ASTN2: variants seen among roughly 807,000 people sequenced by gnomAD.
ASTN2 encodes the protein astrotactin-2.
Under a neutral mutation model 139.8 loss-of-function variants are expected in ASTN2, and 54 were observed. The observed-to-expected ratio is 0.39, with a 90% CI of 0.31 to 0.48. The LOEUF (loss-of-function observed/expected upper bound fraction) is 0.48. Among genes scored for constraint, ASTN2 ranks in the 20% least tolerant of loss-of-function variants. ASTN2 has a pLI of 0.95. For synonymous variants in ASTN2, 756 were observed against 719.5 expected (o/e 1.05, Z -0.81); for missense variants, 1,565 against 1,725.1 (o/e 0.91, Z 1.64).
intron 13 of ASTN2, among the ~76,000 whole-genome samples, chr9:116,792,685 C>T (rs554913329): frequency 1.3e-5 from 2 of 152,310 alleles, no homozygotes; most frequent in Admixed American, 1.3e-4. Context: ...GAAACATATT[C>T]TCTGCACTTG....
intron 11 of ASTN2, among the ~76,000 whole-genome samples, chr9:116,821,974 G>C (rs751268061): frequency 2.0e-5 from 3 of 151,998 alleles, no homozygotes; most frequent in Non-Finnish European, 4.4e-5. Context: ...ATGAGGTACT[G>C]GGTTTTTATT....
intron 2 of ASTN2, among the ~76,000 whole-genome samples, chr9:117,231,847 T>A (rs772085013): frequency 1.2e-4 from 18 of 152,224 alleles, no homozygotes; most frequent in Non-Finnish European, 1.9e-4. Flanking sequence ...AACATAAGAA[T>A]CTCGTCTATT....
intron 22 of ASTN2, among the ~76,000 whole-genome samples, chr9:116,430,898 T>A (rs545874653): frequency 2.4e-4 from 36 of 152,164 alleles, no homozygotes; most frequent in Non-Finnish European, 4.9e-4. Flanking sequence ...GATCCATAAA[T>A]CAAAAGGTCA....
At chr9:117,200,484 T>A (rs1206164994) in intron 3 of ASTN2, among the ~76,000 whole-genome samples, 1 of 152,182 alleles carries the variant, frequency 6.6e-6, no homozygotes, top group Non-Finnish European at 1.5e-5. Flanking sequence ...TTCAATATGA[T>A]ATTGGCTGTG....
rs908795280 is a variant in ASTN2, at chr9:117,214,450, A to G, written c.923T>C (p.Val308Ala). The G allele has an allele frequency of 4.3e-6, 7 of 1,613,924 alleles. No individual in the cohort carries two copies. Among genetic ancestry groups the G allele is most frequent in the East Asian group, 4.5e-5 (2 of 44,858 alleles). ...DEEPPRRANH[V>A]SREDEFGSQV... The stretch of plus-strand genomic sequence containing the variant: ...GCTGCCAAACTCGTCCTCGCGGGAG[A>G]CATGGTTGGCCCGCCTAGGTGGCTC... Residue 308 changes from valine (V) to alanine (A), a missense_variant, in exon 3 of 23, where the codon GTC (valine) becomes GCC (alanine). Around this residue, in one of 4 missense-constraint regions of ASTN2, gnomAD observed 596 missense variants for 576.8 expected, o/e 1.03. Transcript: ENST00000313400.
intron 1 of ASTN2, among the ~76,000 whole-genome samples, chr9:117,404,529 T>C (rs1449703190): frequency 6.6e-6 from 1 of 152,232 alleles, no homozygotes; most frequent in East Asian, 1.9e-4. Context: ...TTTGGATTTA[T>C]ATAGCATTAT....
chr9:117,044,340 G>GA (rs1838671253), intron 5 of ASTN2, among the ~76,000 whole-genome samples: 1 of 152,196 alleles, frequency 6.6e-6, no homozygotes, highest in South Asian at 2.1e-4. Context: ...GCGAATGCCT[G>GA]AATCACCACA....
intron 10 of ASTN2, among the ~76,000 whole-genome samples, chr9:116,893,535 C>T (rs568195536): frequency 6.6e-6 from 1 of 152,128 alleles, no homozygotes; most frequent in African/African-American, 2.4e-5. Context: ...CTCAGTCCCC[C>T]AGTTGTAAAC....
chr9:116,957,904 C>T (rs1392864979), intron 10 of ASTN2, among the ~76,000 whole-genome samples: 1 of 152,182 alleles, frequency 6.6e-6, no homozygotes, highest in Non-Finnish European at 1.5e-5. Context: ...TGGTCTCGAT[C>T]TCCTGACCTC....
intron 10 of ASTN2, among the ~76,000 whole-genome samples, chr9:116,896,475 G>T (rs1588392325): frequency 6.6e-6 from 1 of 152,120 alleles, no homozygotes; most frequent in Non-Finnish European, 1.5e-5. Context: ...GATTACAGGT[G>T]CCTGGCTAAT....
chr9:116,760,320 A>C (rs937596699), intron 13 of ASTN2, among the ~76,000 whole-genome samples: 1 of 152,210 alleles, frequency 6.6e-6, no homozygotes, highest in African/African-American at 2.4e-5. Context: ...ATGGGGCAGC[A>C]TTTGTGGCAC....
intron 17 of ASTN2, among the ~76,000 whole-genome samples, chr9:116,625,580 A>ACCACAACTTATTCTAT (rs6151137): frequency 0.48 from 73,340 of 151,670 alleles, 18,060 homozygotes; most frequent in East Asian, 0.72. Context: ...TTTCTAAAAC[A>ACCACAACTTATTCTAT]CCTCTTGCTT....
At chr9:117,225,490 G>T (rs1832674926) in intron 2 of ASTN2, among the ~76,000 whole-genome samples, 1 of 141,754 alleles carries the variant, frequency 7.1e-6, no homozygotes, top group South Asian at 2.3e-4. Context: ...CGAGGCGGGT[G>T]GGTCATGAGG....
intron 19 of ASTN2, among the ~76,000 whole-genome samples, chr9:116,536,929 A>G (rs907732372): frequency 7.9e-5 from 12 of 152,272 alleles, no homozygotes; most frequent in South Asian, 2.1e-4. Flanking sequence ...GCTGCCTTTT[A>G]TTAGGCTATG....
Position 116,668,073 on chromosome 9 carries a change from C to T in ASTN2, c.2807-16280G>A, listed in dbSNP as rs142001211. ...AATACGGTGTGCTCCACCTATTCAT[C>T]CATATCCCCTGCTCCCAACTCCTGG... On this transcript the variant is annotated intron_variant, in intron 16 of 22. Transcript: ENST00000313400. 6.0e-4 allele frequency among the ~76,000 whole-genome samples: 92 copies of T among 152,242 alleles called. No homozygotes were observed. The East Asian group carries it at 8.3e-3, about 14-fold the overall frequency.
chr9:116,930,782 A>T (rs1402722268), intron 10 of ASTN2, among the ~76,000 whole-genome samples: 1 of 152,192 alleles, frequency 6.6e-6, no homozygotes, highest in East Asian at 1.9e-4. Flanking sequence ...CTCCCAAGGC[A>T]GACATTTTTT....
At chr9:117,264,602 A>C (rs745437306) in intron 2 of ASTN2, among the ~76,000 whole-genome samples, 1 of 152,204 alleles carries the variant, frequency 6.6e-6, no homozygotes, top group Non-Finnish European at 1.5e-5. Flanking sequence ...AATATACAAG[A>C]GGAAAAGTTA....
intron 1 of ASTN2, among the ~76,000 whole-genome samples, chr9:117,406,821 CTTAT>C (rs958679982): frequency 1.3e-5 from 2 of 151,154 alleles, no homozygotes; most frequent in Admixed American, 6.6e-5. Context: ...TACTACATAA[CTTAT>C]TTACTTATTA....
intron 12 of ASTN2, among the ~76,000 whole-genome samples, chr9:116,814,745 T>C (rs139188642): frequency 2.7e-3 from 409 of 152,222 alleles, no homozygotes; most frequent in Non-Finnish European, 3.1e-3. Flanking sequence ...CAGTTAGGAG[T>C]GCAGATTTTT....
Sources: gnomAD v4.1 joint callset for allele counts (sites outside exome capture counted in the v4.1 genomes callset) on GRCh38, gnomAD v4.1.1 for gene constraint, gnomAD v4.1.1 regional missense constraint, MANE v1.5 for transcripts, NCBI Gene and HGNC (gene_info 2026-07-23, HGNC 2026-07-21) for gene names.